ZNF804B: variants seen among roughly 807,000 people sequenced by gnomAD.
ZNF804B encodes zinc finger protein 804B, also known as zinc finger 804B.
A neutral mutation model predicts 101.4 loss-of-function variants in ZNF804B; 80 were observed. The ratio of observed to expected loss-of-function variants is 0.79; its 90% CI spans 0.66 to 0.95. The LOEUF (loss-of-function observed/expected upper bound fraction) is 0.95, where lower values mean the gene tolerates loss of function less well. Ranked by LOEUF, ZNF804B falls within the 40% of genes least tolerant of loss-of-function variation. The probability of loss-of-function intolerance (pLI) is 0.00; values close to 1 mark genes in which losing one functional copy is unlikely to be tolerated. For missense variants in ZNF804B, 1,673 were observed against 1,561.9 expected (o/e 1.07, Z -1.20); for synonymous variants, 622 against 558.8 (o/e 1.11, Z -1.59).
At chr7:89,242,290 A>G (rs1789384324) in intron 2 of ZNF804B, among the ~76,000 whole-genome samples, 1 of 151,980 alleles carries the variant, frequency 6.6e-6, no homozygotes, top group African/African-American at 2.4e-5. Context: ...AAGTGGCTTT[A>G]ATTGAATCTA....
chr7:88,991,701 C>T (rs1012346467), intron 1 of ZNF804B, among the ~76,000 whole-genome samples: 1 of 152,154 alleles, frequency 6.6e-6, no homozygotes, highest in Non-Finnish European at 1.5e-5. Flanking sequence ...TTCAGTAAAG[C>T]TGTTTTCTTC....
chr7:88,871,381 A>T (rs1791820744), intron 1 of ZNF804B, among the ~76,000 whole-genome samples: 1 of 152,052 alleles, frequency 6.6e-6, no homozygotes, highest in African/African-American at 2.4e-5. Flanking sequence ...AAAAAAGTAA[A>T]AGTGCAATTT....
chr7:88,831,491 A>C (rs1791132291), intron 1 of ZNF804B, among the ~76,000 whole-genome samples: 1 of 132,372 alleles, frequency 7.6e-6, no homozygotes, highest in African/African-American at 3.0e-5. Context: ...TTTCCTAAAG[A>C]TAAATTTTGA....
intron 1 of ZNF804B, among the ~76,000 whole-genome samples, chr7:89,209,550 C>T (rs1195288881): frequency 6.6e-6 from 1 of 152,182 alleles, no homozygotes; most frequent in African/African-American, 2.4e-5. Context: ...TTTAGGAAAA[C>T]TCTTCAATAT....
intron 1 of ZNF804B, among the ~76,000 whole-genome samples, chr7:88,936,348 T>C (rs1359975263): frequency 6.6e-6 from 1 of 152,060 alleles, no homozygotes; most frequent in African/African-American, 2.4e-5. Context: ...AGAGTCACCC[T>C]GCCAAATTAA....
chr7:89,285,218 C>CA (rs969380215), intron 2 of ZNF804B, among the ~76,000 whole-genome samples: 1 of 150,894 alleles, frequency 6.6e-6, no homozygotes, highest in Non-Finnish European at 1.5e-5. Flanking sequence ...GACCCTGTCA[C>CA]AAAAAAATAA....
At chr7:88,956,889 A>G (rs1793317999) in intron 1 of ZNF804B, among the ~76,000 whole-genome samples, 1 of 151,462 alleles carries the variant, frequency 6.6e-6, no homozygotes, top group Admixed American at 6.6e-5. Flanking sequence ...ATGAAGCTTC[A>G]ATTTCAGACA....
intron 2 of ZNF804B, 117 bp downstream of exon 2, chr7:89,218,412 T>G (rs531672999): frequency 8.1e-7 from 1 of 1,235,890 alleles, no homozygotes; most frequent in South Asian, 1.5e-5. Context: ...ACATTTTATG[T>G]CTTTTTTCCC....
intron 1 of ZNF804B, among the ~76,000 whole-genome samples, chr7:88,897,019 C>T (rs996120899): frequency 6.6e-6 from 1 of 152,082 alleles, no homozygotes; most frequent in Non-Finnish European, 1.5e-5. Context: ...AATTGATAAT[C>T]AAGAGAGATG....
At chr7:88,949,841 C>T (rs1172132009) in intron 1 of ZNF804B, among the ~76,000 whole-genome samples, 3 of 151,878 alleles carry the variant, frequency 2.0e-5, no homozygotes, top group South Asian at 4.1e-4. Flanking sequence ...GTATTCAGTA[C>T]AGTAACATGC....
intron 1 of ZNF804B, among the ~76,000 whole-genome samples, chr7:89,004,039 T>C (rs969029842): frequency 1.5e-5 from 2 of 131,816 alleles, no homozygotes; most frequent in African/African-American, 5.7e-5. Flanking sequence ...AATGTGAAAA[T>C]GTGATCCTGA....
chr7:88,993,630 G>T (rs941666510), intron 1 of ZNF804B, among the ~76,000 whole-genome samples: 2 of 151,812 alleles, frequency 1.3e-5, no homozygotes, highest in African/African-American at 4.8e-5. Context: ...CAGTGCTAAC[G>T]AACAAAGAAA....
intron 2 of ZNF804B, among the ~76,000 whole-genome samples, chr7:89,257,331 TC>T (rs1197336829): frequency 6.6e-6 from 1 of 152,136 alleles, no homozygotes; most frequent in East Asian, 1.9e-4. Flanking sequence ...GCATGGTTGT[TC>T]CTTCATAAAA....
At chr7:89,233,597 G>T (rs1584073538) in intron 2 of ZNF804B, among the ~76,000 whole-genome samples, 1 of 151,936 alleles carries the variant, frequency 6.6e-6, no homozygotes, top group Non-Finnish European at 1.5e-5. Flanking sequence ...CAGTTTGAGG[G>T]GTAGGCTGGA....
At chr7:88,790,916 A>G (rs1260961019) in intron 1 of ZNF804B, among the ~76,000 whole-genome samples, 1 of 152,100 alleles carries the variant, frequency 6.6e-6, no homozygotes, top group Non-Finnish European at 1.5e-5. Flanking sequence ...CCAAACATAC[A>G]CAGCTAAATG....
chr7:88,797,243 C>A (rs185192743), intron 1 of ZNF804B, among the ~76,000 whole-genome samples: 1 of 151,878 alleles, frequency 6.6e-6, no homozygotes, highest in Non-Finnish European at 1.5e-5. Flanking sequence ...CTTTAATATG[C>A]CTTAAGGGTT....
At chr7:89,000,056 C>T (rs183010098) in intron 1 of ZNF804B, among the ~76,000 whole-genome samples, 22 of 151,992 alleles carry the variant, frequency 1.4e-4, no homozygotes, top group African/African-American at 5.3e-4. Flanking sequence ...AAAGTTCTAG[C>T]TGACTCTTGG....
chr7:88,952,179 G>A (rs1793233781), intron 1 of ZNF804B, among the ~76,000 whole-genome samples: 2 of 151,728 alleles, frequency 1.3e-5, no homozygotes, highest in Non-Finnish European at 2.9e-5. Context: ...TGTTGACTGA[G>A]CTGTACATAT....
intron 1 of ZNF804B, among the ~76,000 whole-genome samples, chr7:88,913,547 A>G: frequency 6.6e-6 from 1 of 152,118 alleles, no homozygotes; most frequent in African/African-American, 2.4e-5. Context: ...GGTGCCTGTC[A>G]CCAGGCCCGG....
Sources: allele counts gnomAD v4.1 joint callset (sites outside exome capture counted in the v4.1 genomes callset), GRCh38; gene constraint gnomAD v4.1.1; transcripts MANE v1.5; gene names NCBI Gene and HGNC (gene_info 2026-07-23, HGNC 2026-07-21).